Variants in DGKH observed in about 807,000 individuals in gnomAD.
DGKH encodes the protein DAG kinase eta.
DGKH carries 90 observed loss-of-function variants against 159.3 expected under a neutral mutation model. The ratio of observed to expected loss-of-function variants is 0.57; its 90% CI spans 0.48 to 0.67. DGKH has a LOEUF of 0.67. Among genes scored for constraint, DGKH ranks in the 30% least tolerant of loss-of-function variants. The pLI, the probability that DGKH is intolerant of heterozygous loss-of-function variation, is 0.00. For missense variants in DGKH, 1,181 were observed against 1,506.1 expected, an observed-to-expected ratio of 0.78 and a Z score of 3.57; for synonymous variants, 536 against 553.8, an observed-to-expected ratio of 0.97 and a Z score of 0.45.
chr13:42,097,545 T>C (rs1221405772), intron 1 of DGKH, among the ~76,000 whole-genome samples: 1 of 152,202 alleles, frequency 6.6e-6, no homozygotes, highest in Non-Finnish European at 1.5e-5. Context: ...TGGAAAGTTG[T>C]AGCCCCAGAT....
chr13:42,170,283 C>T (rs967749448), intron 11 of DGKH, among the ~76,000 whole-genome samples: 1 of 152,138 alleles, frequency 6.6e-6, no homozygotes, highest in African/African-American at 2.4e-5. Flanking sequence ...GGAGGTGGCT[C>T]ACGCCTATAA....
intron 1 of DGKH, among the ~76,000 whole-genome samples, chr13:42,041,820 A>G (rs1018193008): frequency 5.3e-5 from 8 of 152,134 alleles, no homozygotes; most frequent in African/African-American, 1.7e-4. Context: ...CAGTCTGAAA[A>G]GCCCCGTCCG....
At chr13:42,140,608 T>A (rs191001910) in intron 3 of DGKH, 1 of 152,234 alleles carries the variant, frequency 6.6e-6, no homozygotes. Context: ...TTCTAAGCTA[T>A]GCAGAGTGCT....
At chr13:42,160,308 A>G (rs888207810) in intron 7 of DGKH, among the ~76,000 whole-genome samples, 172 bp downstream of exon 7, 6 of 152,186 alleles carry the variant, frequency 3.9e-5, no homozygotes, top group African/African-American at 1.4e-4. Context: ...TAGTCTGGTC[A>G]TTGTTTCAAA....
At chr13:42,150,061 T>G (rs1955835667) in intron 3 of DGKH, among the ~76,000 whole-genome samples, 1 of 152,214 alleles carries the variant, frequency 6.6e-6, no homozygotes, top group South Asian at 2.1e-4. Context: ...CTTAGAGTAC[T>G]AAGTACTTTT....
intron 21 of DGKH, among the ~76,000 whole-genome samples, chr13:42,208,387 C>T (rs76944826): frequency 0.13 from 19,277 of 151,980 alleles, 1,616 homozygotes; most frequent in Admixed American, 0.22. Flanking sequence ...TAATTTTTAT[C>T]TTCTGAGGTT....
intron 21 of DGKH, among the ~76,000 whole-genome samples, chr13:42,206,492 C>T (rs9562385): frequency 6.6e-6 from 1 of 151,966 alleles, no homozygotes; most frequent in South Asian, 2.1e-4. Context: ...TGTTTTCTAT[C>T]GCTGCTATAA....
At chr13:42,200,696 A>G (rs940536987) in intron 20 of DGKH, among the ~76,000 whole-genome samples, 3 of 152,228 alleles carry the variant, frequency 2.0e-5, no homozygotes, top group Non-Finnish European at 2.9e-5. Context: ...AAACACTGGA[A>G]TGTGGACTAA....
rs146121823 is a variant in DGKH, at chr13:42,117,056, T to G, written c.193-10407T>G. On this transcript the variant is annotated intron_variant, in intron 1 of 29. Coordinates refer to ENST00000337343, the MANE Select transcript of DGKH (RefSeq NM_178009.5). ...TAGTACTAAACCATTAACTGCCAGA[T>G]TATATGACTAAATGGCAGTTAATAC... Among the ~76,000 whole-genome samples the G allele has an allele frequency of 7.9e-5, 12 of 152,314 alleles. No homozygotes were observed. In the East Asian group the frequency reaches 1.9e-3, roughly 24 times the overall value.
At chr13:42,207,137 CCTTCCTTCCTTCCTTCCTTCCT>C (rs1566192672) in intron 21 of DGKH, among the ~76,000 whole-genome samples, 766 of 33,860 alleles carry the variant, frequency 0.023, 46 homozygotes, top group Non-Finnish European at 0.034. Context: ...TTCCTTCCTT[CCTTCCTTCCTTCCTTCCTTCCT>C]TCCTTCCTTC....
At chr13:42,245,656 G>A (rs914495062), downstream of DGKH, among the ~76,000 whole-genome samples, 1 of 151,950 alleles carries the variant, frequency 6.6e-6, no homozygotes, top group Non-Finnish European at 1.5e-5. Context: ...TGTGATCTTG[G>A]CTCACTGCAA....
intron 1 of DGKH, among the ~76,000 whole-genome samples, chr13:42,095,283 C>T (rs902122697): frequency 1.3e-5 from 2 of 151,066 alleles, no homozygotes; most frequent in Non-Finnish European, 2.9e-5. Flanking sequence ...CTGCCTCAGC[C>T]TCCTGAGTAA....
At chr13:42,224,902 AAAT>A (rs1312007493) in intron 29 of DGKH, among the ~76,000 whole-genome samples, 1 of 140,858 alleles carries the variant, frequency 7.1e-6, no homozygotes. Flanking sequence ...AGGAAAAAAA[AAAT>A]ATATATATAT....
intron 16 of DGKH, among the ~76,000 whole-genome samples, chr13:42,193,049 T>G (rs9566935): frequency 0.039 from 5,907 of 152,318 alleles, 174 homozygotes; most frequent in South Asian, 0.1. Flanking sequence ...TATTTCATCC[T>G]GTGAAGCTCT....
In DGKH at chr13:42,209,086, G is replaced by A. The variant is rs369117319; in HGVS notation, c.2715+14G>A. The A allele has an allele frequency of 7.3e-5, 117 of 1,601,866 alleles. No individual in the cohort carries two copies. Among genetic ancestry groups the A allele is most frequent in the African/African-American group, 7.1e-4 (53 of 74,628 alleles). ...CGAATAGCCCAGGTTGGTTTCTCTC[G>A]TCAAACCTGACTGCACTTCTTGGGC... On this transcript the variant is annotated intron_variant, in intron 22 of 29. Transcript: ENST00000337343.
intron 3 of DGKH, among the ~76,000 whole-genome samples, chr13:42,134,181 C>T (rs906617132): frequency 3.3e-5 from 5 of 152,184 alleles, no homozygotes; most frequent in African/African-American, 1.2e-4. Context: ...GAGATCAGGG[C>T]AGTGATTGAC....
intron 29 of DGKH, among the ~76,000 whole-genome samples, chr13:42,251,450 C>G (rs1055976865): frequency 4.6e-5 from 7 of 152,078 alleles, no homozygotes; most frequent in African/African-American, 1.7e-4. Flanking sequence ...ATCTATATTC[C>G]TTTTATACCC....
At chr13:42,044,571 G>C (rs1356071656), upstream of DGKH, among the ~76,000 whole-genome samples, 2 of 152,210 alleles carry the variant, frequency 1.3e-5, no homozygotes, top group Non-Finnish European at 2.9e-5. Flanking sequence ...TTACAGGAGT[G>C]AGCCACTGCG....
chr13:42,179,349 T>C (rs989535029), intron 13 of DGKH, among the ~76,000 whole-genome samples: 2 of 152,258 alleles, frequency 1.3e-5, no homozygotes, highest in African/African-American at 4.8e-5. Context: ...CTGCATCGAA[T>C]AGAAGACTGT....
Sources: gnomAD v4.1 joint callset for allele counts (sites outside exome capture counted in the v4.1 genomes callset) on GRCh38, gnomAD v4.1.1 for gene constraint, MANE v1.5 for transcripts, NCBI Gene and HGNC (gene_info 2026-07-23, HGNC 2026-07-21) for gene names.